FRMPD4: variants seen among roughly 807,000 people sequenced by gnomAD.
The protein encoded by FRMPD4 is FERM and PDZ domain-containing protein 4.
Under a neutral mutation model 94.1 loss-of-function variants are expected in FRMPD4, and 22 were observed. That is an observed-to-expected ratio of 0.23 (90% CI 0.17 to 0.33). The LOEUF (loss-of-function observed/expected upper bound fraction) is 0.33. FRMPD4 is among the 10% of genes least tolerant of loss of function. FRMPD4 has a pLI of 1.00. For missense variants in FRMPD4, 1,111 were observed against 1,339.9 expected (o/e 0.83, Z 2.67); for synonymous variants, 631 against 548.6 (o/e 1.15, Z -2.10).
intron 1 of FRMPD4, among the ~76,000 whole-genome samples, chrX:12,298,825 C>T (rs1282142456): frequency 1.8e-5 from 2 of 112,462 alleles, no homozygotes; most frequent in African/African-American, 6.5e-5. Context: ...CTCCACCTCT[C>T]TCTGTGTATA....
At chrX:12,086,914 A>G (rs1364779633) in intron 3 of FRMPD4, among the ~76,000 whole-genome samples, 6 of 110,584 alleles carry the variant, frequency 5.4e-5, no homozygotes, top group Non-Finnish European at 1.1e-4. Context: ...TTGGTACTAT[A>G]AGACTGAGGT....
chrX:12,347,423 A>G (rs5935304), intron 1 of FRMPD4, among the ~76,000 whole-genome samples: 18,058 of 108,888 alleles, frequency 0.17, 1,212 homozygotes, highest in Non-Finnish European at 0.2. Flanking sequence ...TTTAGTAGTG[A>G]CAAGGTCTCA....
In FRMPD4 at chrX:11,992,142, G is replaced by GAAA. The variant is rs58215165; in HGVS notation, c.95+114132_95+114134dup. ...TGCACGCAGGCACCTAATTAAAAGA[G>GAAA]AAAAAAAAAATCCCTTGTTAAAATC... On this transcript the variant is annotated intron_variant, in intron 3 of 18. Coordinates refer to the FRMPD4 transcript ENST00000640291. Among the ~76,000 whole-genome samples, 486 of 105,460 alleles carry GAAA rather than the reference G, an allele frequency of 4.6e-3. 2 individuals carry two copies. The highest frequency in any genetic ancestry group is 0.011 in the African/African-American group (329 of 29,118). 91.6% of individuals were successfully genotyped at this position (105,460 alleles called of 115,157 possible).
At chrX:12,671,814 T>C (rs147003761) in intron 4 of FRMPD4, among the ~76,000 whole-genome samples, 256 of 111,157 alleles carry the variant, frequency 2.3e-3, no homozygotes, top group African/African-American at 7.5e-3. Context: ...ATAAGACAAC[T>C]ATATTCTTTC....
chrX:12,542,477 A>G (rs1217215231), intron 2 of FRMPD4, among the ~76,000 whole-genome samples: 2 of 112,279 alleles, frequency 1.8e-5, no homozygotes, highest in Non-Finnish European at 3.8e-5. Context: ...GTGAACTCCC[A>G]TTCACAATTG....
chrX:12,605,754 C>G (rs1267026029), intron 2 of FRMPD4, among the ~76,000 whole-genome samples: 1 of 110,810 alleles, frequency 9.0e-6, no homozygotes, highest in East Asian at 2.8e-4. Context: ...AGTGCTCCCC[C>G]CGAAACGTTT....
chrX:12,715,997 A>AGGGGGGG, intron 14 of FRMPD4, 72 bp from the exon 15 acceptor site: 1 of 387,127 alleles, frequency 2.6e-6, no homozygotes, highest in Non-Finnish European at 4.6e-6. Flanking sequence ...AACAGAGACG[A>AGGGGGGG]GCCTCCCACC....
intron 3 of FRMPD4, among the ~76,000 whole-genome samples, chrX:12,075,762 G>T (rs1191363083): frequency 3.6e-5 from 4 of 112,094 alleles, no homozygotes; most frequent in Non-Finnish European, 7.5e-5. Context: ...GACCACAGTG[G>T]TTGCTGAATT....
At position 12,441,912 on chromosome X, in the gene FRMPD4, A is replaced by G. The variant is rs193005670; in HGVS notation, c.42-56768A>G. Among the ~76,000 whole-genome samples the G allele has an allele frequency of 3.6e-5, 4 of 111,686 alleles. No homozygotes were observed. The East Asian group carries it at 1.1e-3, about 31-fold the overall frequency. ...TCTCATCGATATAGTTTAGCAACAC[A>G]TAGCTCTTTAGTGACTTTAGCCACA... On this transcript the variant is annotated intron_variant, in intron 1 of 16. Coordinates refer to ENST00000675598, the MANE Select transcript of FRMPD4 (RefSeq NM_001368397.1).
At chrX:12,420,811 C>T (rs777051708) in intron 1 of FRMPD4, among the ~76,000 whole-genome samples, 10 of 112,546 alleles carry the variant, frequency 8.9e-5, no homozygotes, top group East Asian at 2.8e-4. Flanking sequence ...GGGCAGCAGC[C>T]TTGTCTCTCT....
chrX:12,071,836 C>T (rs2054971242), intron 3 of FRMPD4, among the ~76,000 whole-genome samples: 1 of 111,232 alleles, frequency 9.0e-6, no homozygotes, highest in African/African-American at 3.3e-5. Context: ...ACTGGCCAGG[C>T]AGGCATGTGA....
chrX:12,280,091 G>A (rs1012414012), intron 1 of FRMPD4, among the ~76,000 whole-genome samples: 2 of 110,025 alleles, frequency 1.8e-5, no homozygotes, highest in Non-Finnish European at 3.8e-5. Flanking sequence ...ATGCACACAC[G>A]TGTATACATG....
At chrX:12,018,922 T>C (rs1331953587) in intron 3 of FRMPD4, among the ~76,000 whole-genome samples, 2 of 112,104 alleles carry the variant, frequency 1.8e-5, no homozygotes, top group Admixed American at 1.9e-4. Flanking sequence ...CAAAGTCCTT[T>C]GGCCAGAGGT....
chrX:12,694,534 T>C (rs1215720617), intron 9 of FRMPD4, 80 bp downstream of exon 9: 1 of 747,119 alleles, frequency 1.3e-6, no homozygotes, highest in Non-Finnish European at 2.0e-6. Flanking sequence ...ATTCTTTAAC[T>C]TGAAATCTTT....
At chrX:12,637,121 C>G (rs1177726843) in intron 4 of FRMPD4, among the ~76,000 whole-genome samples, 1 of 112,254 alleles carries the variant, frequency 8.9e-6, no homozygotes, top group African/African-American at 3.2e-5. Flanking sequence ...TGAGCTCATA[C>G]TGATATGTCC....
At chrX:11,870,986 CTGTT>C (rs2053753173) in intron 2 of FRMPD4, among the ~76,000 whole-genome samples, 1 of 112,373 alleles carries the variant, frequency 8.9e-6, no homozygotes, top group Non-Finnish European at 1.9e-5. Flanking sequence ...GTGGCAGTGT[CTGTT>C]TGTATTCCCT....
At chrX:12,098,272 G>A (rs866861823) in intron 3 of FRMPD4, among the ~76,000 whole-genome samples, 6 of 102,783 alleles carry the variant, frequency 5.8e-5, no homozygotes, top group African/African-American at 1.4e-4. Flanking sequence ...GAAAGAAAAA[G>A]AAAAAAAAAA....
chrX:12,009,170 C>A (rs2054569145), intron 3 of FRMPD4, among the ~76,000 whole-genome samples: 1 of 112,077 alleles, frequency 8.9e-6, no homozygotes, highest in Non-Finnish European at 1.9e-5. Context: ...AAAAAGGAAA[C>A]TAGTAACTAT....
intron 1 of FRMPD4, among the ~76,000 whole-genome samples, chrX:12,419,144 G>A (rs972402237): frequency 2.7e-5 from 3 of 111,514 alleles, no homozygotes; most frequent in Admixed American, 9.5e-5. Context: ...AGAATCTACT[G>A]GATGAAAAGT....
Sources: gnomAD v4.1 joint callset for allele counts (sites outside exome capture counted in the v4.1 genomes callset) on GRCh38, gnomAD v4.1.1 for gene constraint, MANE v1.5 for transcripts, NCBI Gene and HGNC (gene_info 2026-07-23, HGNC 2026-07-21) for gene names.